Variants in TPD52L1 observed in about 807,000 individuals in gnomAD.
The protein encoded by TPD52L1 is TPD52 like 1.
Under a neutral mutation model 28.7 loss-of-function variants are expected in TPD52L1, and 18 were observed. That is an observed-to-expected ratio of 0.63 (90% CI 0.43 to 0.93). The LOEUF (loss-of-function observed/expected upper bound fraction) is 0.93, where lower values mean the gene tolerates loss of function less well. TPD52L1 is among the 40% of genes least tolerant of loss of function. The pLI, the probability that TPD52L1 is intolerant of heterozygous loss-of-function variation, is 0.00. For synonymous variants in TPD52L1, 75 were observed against 88.8 expected (o/e 0.84, Z 0.88); for missense variants, 203 against 254.8 (o/e 0.80, Z 1.39).
chr6:125,219,637 G>C (rs1391967832), intron 1 of TPD52L1, among the ~76,000 whole-genome samples: 2 of 152,132 alleles, frequency 1.3e-5, no homozygotes, highest in Middle Eastern at 3.2e-3. Flanking sequence ...CCTGTGTAAA[G>C]AATGAAGGTA....
chr6:125,215,014 G>C (rs541598705), intron 1 of TPD52L1, among the ~76,000 whole-genome samples: 16 of 152,254 alleles, frequency 1.1e-4, no homozygotes, highest in South Asian at 8.3e-4. Context: ...GCCACAGTTT[G>C]CACATTTGGA....
At chr6:125,237,254 G>A (rs1190788723) in intron 3 of TPD52L1, among the ~76,000 whole-genome samples, 4 of 152,238 alleles carry the variant, frequency 2.6e-5, no homozygotes, top group South Asian at 2.1e-4. Context: ...CTCTGGCTGC[G>A]GTGTTGAAAA....
At chr6:125,261,723 A>G (rs1357800139) in intron 6 of TPD52L1, 1 of 150,926 alleles carries the variant, frequency 6.6e-6, no homozygotes, top group African/African-American at 2.4e-5. Context: ...AGGGATTTTT[A>G]GCAGTTTTAA....
intron 1 of TPD52L1, among the ~76,000 whole-genome samples, chr6:125,194,880 C>G (rs1188184415): frequency 6.6e-6 from 1 of 152,198 alleles, no homozygotes; most frequent in Non-Finnish European, 1.5e-5. Context: ...GGGTCAGAAT[C>G]TGACTTAGAG....
At chr6:125,203,733 C>G in intron 1 of TPD52L1, 2 of 985,298 alleles carry the variant, frequency 2.0e-6, no homozygotes, top group Non-Finnish European at 2.4e-6. Context: ...AGTTGGCTCC[C>G]CTGGAGTGAA....
chr6:125,196,219 C>A (rs1562262656), intron 1 of TPD52L1, among the ~76,000 whole-genome samples: 1 of 152,174 alleles, frequency 6.6e-6, no homozygotes, highest in Non-Finnish European at 1.5e-5. Context: ...TCTGTAGCTT[C>A]CAAAGTTGTA....
At chr6:125,205,032 T>A (rs192779954) in intron 1 of TPD52L1, among the ~76,000 whole-genome samples, 1 of 152,314 alleles carries the variant, frequency 6.6e-6, no homozygotes, top group African/African-American at 2.4e-5. Flanking sequence ...TCTTTTGCTG[T>A]TCATTTGGTT....
Position 125,212,016 on chromosome 6 carries a change from T to A in TPD52L1, c.20-8062T>A, listed in dbSNP as rs185042535. The stretch of plus-strand genomic sequence containing the variant: ...ACTCGTGTTAGATTTTTTGTGGTCT[T>A]AAAGATAATCATAAATCCAACAGTA... On this transcript the variant is annotated intron_variant, in intron 1 of 6. Transcript: ENST00000534000. Among the ~76,000 whole-genome samples, 748 of 152,324 alleles carry A rather than the reference T, an allele frequency of 4.9e-3. 5 individuals carry two copies. Among genetic ancestry groups the A allele is most frequent in the African/African-American group, 0.017 (702 of 41,570 alleles).
intron 1 of TPD52L1, among the ~76,000 whole-genome samples, chr6:125,184,107 G>A (rs1792419403): frequency 6.6e-6 from 1 of 152,150 alleles, no homozygotes; most frequent in Admixed American, 6.5e-5. Context: ...CACAGCTGAA[G>A]TAGTAGACTC....
rs1403881082 is a variant in TPD52L1, at chr6:125,229,130, A to G, written c.148A>G (p.Ile50Val). Residue 50 changes from isoleucine (I) to valine (V), a missense_variant, in exon 3 of 7, where the codon ATT (isoleucine) becomes GTT (valine). Physicochemically the swap from Ile to Val is conservative, Grantham distance 29 (BLOSUM62 3). Coordinates refer to ENST00000534000, the MANE Select transcript of TPD52L1 (RefSeq NM_003287.4). Reference protein sequence around the residue: ...KAELVQLEDEITTLRQVLSAK... With the variant: ...KAELVQLEDEVTTLRQVLSAK... ...CTCCGCCTTGTAGCTAGAAGACGAA[A>G]TTACAACACTACGACAAGTTTTGTC... 3.1e-6 allele frequency: 5 copies of G among 1,612,444 alleles called. No individual in the cohort carries two copies. Among genetic ancestry groups the G allele is most frequent in the Non-Finnish European group, 4.2e-6 (5 of 1,179,440 alleles).
intron 1 of TPD52L1, among the ~76,000 whole-genome samples, chr6:125,213,378 G>A (rs1398819010): frequency 6.6e-6 from 1 of 152,076 alleles, no homozygotes; most frequent in Non-Finnish European, 1.5e-5. Flanking sequence ...TGTTCTGCTT[G>A]TATGGCTCTT....
chr6:125,172,533 T>TATATATATATATATAATATATATATATA (rs1791512241), intron 1 of TPD52L1, among the ~76,000 whole-genome samples: 6 of 90,928 alleles, frequency 6.6e-5, no homozygotes, highest in African/African-American at 2.5e-4. Flanking sequence ...TATATATATA[T>TATATATATATATATAATATATATATATA]ATATATATAT....
rs146644985 is a variant in TPD52L1 at position 125,233,764 on chromosome 6, T to G, written c.284+4498T>G. 2.2e-3 allele frequency among the ~76,000 whole-genome samples: 337 copies of G among 152,352 alleles called. 1 individual carries two copies. The highest frequency in any genetic ancestry group is 7.9e-3 in the African/African-American group (330 of 41,586). On this transcript the variant is annotated intron_variant, in intron 3 of 6. Coordinates refer to ENST00000534000, the MANE Select transcript of TPD52L1 (RefSeq NM_003287.4). ...GAATTTTTTATTTCTTCTAGTTGTATGTAGAAAAATGCTTTATTTAAGTCA... is the reference window on the plus strand; with the variant it reads ...GAATTTTTTATTTCTTCTAGTTGTAGGTAGAAAAATGCTTTATTTAAGTCA...
At chr6:125,241,710 C>G (rs1050313467) in intron 3 of TPD52L1, among the ~76,000 whole-genome samples, 1 of 151,862 alleles carries the variant, frequency 6.6e-6, no homozygotes, top group Non-Finnish European at 1.5e-5. Context: ...GATTCTCTCT[C>G]TTGTTTTCTT....
intron 2 of TPD52L1, among the ~76,000 whole-genome samples, chr6:125,227,594 A>T (rs1426830664): frequency 1.3e-5 from 2 of 152,236 alleles, no homozygotes; most frequent in Non-Finnish European, 2.9e-5. Flanking sequence ...TGCATGTGGG[A>T]TACTAAGGTA....
chr6:125,242,034 T>C (rs1796643382), intron 3 of TPD52L1, among the ~76,000 whole-genome samples: 1 of 152,056 alleles, frequency 6.6e-6, no homozygotes, highest in Non-Finnish European at 1.5e-5. Flanking sequence ...ACTATTATCA[T>C]TCAGTTCAAA....
chr6:125,161,643 G>A (rs1340764422), intron 1 of TPD52L1, among the ~76,000 whole-genome samples: 1 of 152,166 alleles, frequency 6.6e-6, no homozygotes, highest in African/African-American at 2.4e-5. Flanking sequence ...CAGGGAGAGA[G>A]ATAGGGAAAT....
intron 1 of TPD52L1, among the ~76,000 whole-genome samples, chr6:125,196,087 A>G (rs1793422975): frequency 6.6e-6 from 1 of 152,200 alleles, no homozygotes; most frequent in Non-Finnish European, 1.5e-5. Context: ...GGATTAACAA[A>G]ACACAGATGT....
At chr6:125,251,365 G>GAAC (rs10644696) in intron 4 of TPD52L1, among the ~76,000 whole-genome samples, 26,445 of 151,854 alleles carry the variant, frequency 0.17, 3,054 homozygotes, top group African/African-American at 0.32. Flanking sequence ...TAGCTTGGAA[G>GAAC]AACAACAGTA....
Sources: gnomAD v4.1 joint callset for allele counts (sites outside exome capture counted in the v4.1 genomes callset) on GRCh38, gnomAD v4.1.1 for gene constraint, MANE v1.5 for transcripts, NCBI Gene and HGNC (gene_info 2026-07-23, HGNC 2026-07-21) for gene names.